Variants in B4GALNT3 observed in about 807,000 individuals in gnomAD.
B4GALNT3 encodes the protein beta-1,4-N-acetyl-galactosaminyltransferase 3.
Under a neutral mutation model 120.2 loss-of-function variants are expected in B4GALNT3, and 86 were observed. The observed-to-expected ratio is 0.72, with a 90% confidence interval of 0.60 to 0.86. The LOEUF (loss-of-function observed/expected upper bound fraction) is 0.86. Among genes scored for constraint, B4GALNT3 ranks in the 40% least tolerant of loss-of-function variants. The pLI is 0.00. For synonymous variants in B4GALNT3, 518 were observed against 510.4 expected, an observed-to-expected ratio of 1.01 and a Z score of -0.20; for missense variants, 1,167 against 1,298.9, an observed-to-expected ratio of 0.90 and a Z score of 1.56.
At chr12:516,531 C>G (rs1592036428) in intron 1 of B4GALNT3, among the ~76,000 whole-genome samples, 1 of 152,344 alleles carries the variant, frequency 6.6e-6, no homozygotes, top group East Asian at 1.9e-4. Context: ...GAGATTTAAT[C>G]TGCAAGGCCT....
intron 1 of B4GALNT3, among the ~76,000 whole-genome samples, chr12:515,290 G>A (rs979803002): frequency 1.3e-5 from 2 of 152,024 alleles, no homozygotes; most frequent in South Asian, 2.1e-4. Context: ...GGGTTCAAGC[G>A]GTTCTCCTGC....
At chr12:511,314 GCCTTCTGCCTTCCACCTTCCA>G (rs1565597755) in intron 1 of B4GALNT3, among the ~76,000 whole-genome samples, 1 of 14,248 alleles carries the variant, frequency 7.0e-5, no homozygotes, top group Non-Finnish European at 1.2e-4. Context: ...TCCACCTTCC[GCCTTCTGCCTTCCACCTTCCA>G]CCTTCCTTCC....
intron 4 of B4GALNT3, 104 bp downstream of exon 4, chr12:544,538 C>G: frequency 9.2e-7 from 1 of 1,083,384 alleles, no homozygotes; most frequent in Non-Finnish European, 1.4e-6. Flanking sequence ...CATATTTTCT[C>G]CTTTATCTCT....
At chr12:540,167 G>A (rs1946900141) in intron 3 of B4GALNT3, among the ~76,000 whole-genome samples, 1 of 152,238 alleles carries the variant, frequency 6.6e-6, no homozygotes. Flanking sequence ...GCTTCCGAGT[G>A]CTCCTGGAGG....
At chr12:498,918 AG>A (rs2120530791) in intron 1 of B4GALNT3, among the ~76,000 whole-genome samples, 2 of 152,308 alleles carry the variant, frequency 1.3e-5, no homozygotes, top group East Asian at 3.9e-4. Context: ...TACCCTGGAA[AG>A]AATCTTCATG....
chr12:495,267 C>T (rs1331547799), intron 1 of B4GALNT3, among the ~76,000 whole-genome samples: 1 of 152,140 alleles, frequency 6.6e-6, no homozygotes. Context: ...CAGGTCTGCC[C>T]CCTAAAAGGG....
intron 1 of B4GALNT3, among the ~76,000 whole-genome samples, chr12:521,967 T>C (rs891074298): frequency 3.7e-5 from 3 of 81,770 alleles, no homozygotes; most frequent in Non-Finnish European, 8.8e-5. Flanking sequence ...CGCTCAGAAG[T>C]TCTTTTTTTT....
chr12:509,693 C>T (rs1946528502), intron 1 of B4GALNT3, among the ~76,000 whole-genome samples: 1 of 152,138 alleles, frequency 6.6e-6, no homozygotes, highest in South Asian at 2.1e-4. Context: ...CTCCTGGATT[C>T]CAGACTGTCA....
chr12:546,972 G>T, intron 7 of B4GALNT3: 2 of 518,666 alleles, frequency 3.9e-6, no homozygotes, highest in Non-Finnish European at 7.0e-6. Flanking sequence ...CTGGAAAATA[G>T]GTCTCCTTCC....
At chr12:545,147 C>T (rs1004530300) in intron 5 of B4GALNT3, 175 bp downstream of exon 5, 1 of 1,444,362 alleles carries the variant, frequency 6.9e-7, no homozygotes, top group Non-Finnish European at 9.1e-7. Context: ...CAGGCTGCTG[C>T]TTTGCTCCCT....
At position 545,173 on chromosome 12, in the gene B4GALNT3, A is replaced by G. The variant is rs962979032; in HGVS notation, c.539-196A>G. The G allele has an allele frequency of 4.2e-6, 6 of 1,443,018 alleles. No individual in the cohort carries two copies. The African/African-American group carries it at 8.6e-5, about 21-fold the overall frequency. 89.4% of individuals were successfully genotyped at this position (1,443,018 alleles called of 1,614,324 possible). Reference sequence around the variant, plus strand: ...TTTGCTCCCTGGTTTGCAGCCTGGAACCAGCTCATCTCTCCATATAAGTCT... The same window carrying G: ...TTTGCTCCCTGGTTTGCAGCCTGGAGCCAGCTCATCTCTCCATATAAGTCT... On this transcript the variant is annotated intron_variant, in intron 5 of 19. Transcript: ENST00000266383.
chr12:471,384 C>CAATAAATA (rs111851364), intron 1 of B4GALNT3, among the ~76,000 whole-genome samples: 2,297 of 137,324 alleles, frequency 0.017, 39 homozygotes, highest in East Asian at 0.043. Flanking sequence ...GACTCTGTCT[C>CAATAAATA]AATAAATAAA....
At chr12:480,394 G>A (rs970125613) in intron 1 of B4GALNT3, among the ~76,000 whole-genome samples, 10 of 13,072 alleles carry the variant, frequency 7.6e-4, no homozygotes, top group South Asian at 0.01. Flanking sequence ...GCCCCCGGAC[G>A]TCAGTTTCCT....
chr12:555,932 C>T (rs1385838991), intron 14 of B4GALNT3, among the ~76,000 whole-genome samples: 1 of 151,254 alleles, frequency 6.6e-6, no homozygotes, highest in Admixed American at 6.6e-5. Context: ...TACAGGTGCC[C>T]ACCACCACAC....
chr12:500,669 C>T (rs2120536326), intron 1 of B4GALNT3, among the ~76,000 whole-genome samples: 1 of 152,092 alleles, frequency 6.6e-6, no homozygotes, highest in African/African-American at 2.4e-5. Flanking sequence ...CCCGTGGGTG[C>T]CCCAACCCGG....
intron 1 of B4GALNT3, among the ~76,000 whole-genome samples, chr12:484,165 G>A (rs943897649): frequency 1.3e-5 from 2 of 152,172 alleles, no homozygotes; most frequent in Non-Finnish European, 2.9e-5. Flanking sequence ...AGGAGCACAC[G>A]ATCCCTGTTT....
intron 1 of B4GALNT3, among the ~76,000 whole-genome samples, chr12:524,130 A>T (rs563935083): frequency 6.6e-6 from 1 of 152,310 alleles, no homozygotes; most frequent in African/African-American, 2.4e-5. Context: ...AAACCATACA[A>T]CCCATTCCTC....
At position 557,609 on chromosome 12, in the gene B4GALNT3, G is replaced by A. The variant is rs764412539; in HGVS notation, c.2382G>A (p.Val794=). The change falls in exon 16 of 20, where the codon GTG becomes GTA. Residue 794 remains valine, a splice_region_variant and synonymous_variant. Transcript: ENST00000266383. ...CTCCTGCCTGACCCCCTGGGGTAGT[G>A]AAGAACCAGGCACGCTGGGTACAGC... The part of the protein sequence containing the change: ...HRAVVHFVVP[V]KNQARWVQQF... 4.3e-6 allele frequency: 7 copies of A among 1,609,200 alleles called. No homozygotes were observed. The highest frequency in any genetic ancestry group is 2.2e-5 in the East Asian group (1 of 44,754).
intron 3 of B4GALNT3, among the ~76,000 whole-genome samples, chr12:540,744 T>C (rs1286892825): frequency 6.6e-6 from 1 of 152,040 alleles, no homozygotes; most frequent in Non-Finnish European, 1.5e-5. Flanking sequence ...TTCTTCTTTT[T>C]TTCTTTTCTT....
Sources: gnomAD v4.1 joint callset for allele counts (sites outside exome capture counted in the v4.1 genomes callset) on GRCh38, gnomAD v4.1.1 for gene constraint, MANE v1.5 for transcripts, NCBI Gene and HGNC (gene_info 2026-07-23, HGNC 2026-07-21) for gene names.